MIEF1: variants seen among roughly 807,000 people sequenced by gnomAD.
MIEF1 encodes the protein mitochondrial dynamics protein MIEF1.
In MIEF1, 14 loss-of-function variants were observed where a neutral mutation model predicts 35.1. That is an observed-to-expected ratio of 0.40 (90% CI 0.26 to 0.62). MIEF1 has a LOEUF of 0.62. Among genes scored for constraint, MIEF1 ranks in the 20% least tolerant of loss-of-function variants. The probability of loss-of-function intolerance (pLI) is 0.43; values close to 1 mark genes in which losing one functional copy is unlikely to be tolerated. For missense variants in MIEF1, 542 were observed against 615.4 expected, an observed-to-expected ratio of 0.88 and a Z score of 1.26; for synonymous variants, 245 against 254.3, an observed-to-expected ratio of 0.96 and a Z score of 0.35.
intron 2 of MIEF1, 170 bp downstream of exon 2, chr22:39,504,704 C>T: frequency 3.6e-6 from 1 of 279,632 alleles, no homozygotes; most frequent in Non-Finnish European, 6.6e-6. Context: ...TGGCTTCAGC[C>T]CAGGAGGTTG....
intron 1 of MIEF1, chr22:39,503,047 T>C (rs1333366187): frequency 6.6e-6 from 1 of 152,166 alleles, no homozygotes; most frequent in Non-Finnish European, 1.5e-5. Context: ...CATAGGGACG[T>C]TGTGAAATTC....
Position 39,515,233 on chromosome 22 carries a change from A to G in MIEF1, c.*910A>G. 3 of 714,810 alleles carry G rather than the reference A, an allele frequency of 4.2e-6. No individual in the cohort carries two copies. The highest frequency in any genetic ancestry group is 7.8e-6 in the Non-Finnish European group (3 of 384,162). 44.3% of individuals were successfully genotyped at this position (714,810 alleles called of 1,614,324 possible). On this transcript the variant is annotated 3_prime_UTR_variant, in exon 6 of 6. Transcript: ENST00000325301. The stretch of plus-strand genomic sequence containing the variant: ...TCCTTATTTTATTGCCAATCAGGAC[A>G]AGGCCTTGAAGGAACGCAGCCTTAG...
Position 39,517,459 on chromosome 22 carries a change from G to A in MIEF1, c.*3136G>A. 1 of 454,268 alleles carries A rather than the reference G, an allele frequency of 2.2e-6. No homozygotes were observed. Among genetic ancestry groups the A allele is most frequent in the Middle Eastern group, 4.1e-4 (1 of 2,438 alleles). The allele number at this position is 454,268 out of a possible 1,614,324, so 28.1% of individuals were successfully genotyped here. ...CACCTGTCCATATTCCACATTTGCT[G>A]ACTGTGCTCCCTGCACTCCACTCAA... On this transcript the variant is annotated 3_prime_UTR_variant, in exon 6 of 6. Coordinates refer to ENST00000325301, the MANE Select transcript of MIEF1 (RefSeq NM_019008.6).
intron 2 of MIEF1, among the ~76,000 whole-genome samples, chr22:39,506,138 T>A (rs913856003): frequency 3.3e-5 from 5 of 151,938 alleles, no homozygotes; most frequent in Admixed American, 2.0e-4. Flanking sequence ...TGGCTGTGAG[T>A]TGGGCTACAC....
At chr22:39,513,052 C>G (rs1173949209) in intron 5 of MIEF1, among the ~76,000 whole-genome samples, 1 of 152,100 alleles carries the variant, frequency 6.6e-6, no homozygotes, top group African/African-American at 2.4e-5. Context: ...GCCCATCTCT[C>G]CTTTCTAGTT....
intron 1 of MIEF1, 103 bp from the exon 2 acceptor site, chr22:39,504,100 G>A: frequency 2.5e-6 from 1 of 397,014 alleles, no homozygotes; most frequent in Non-Finnish European, 4.4e-6. Context: ...CCTGGAGCGG[G>A]GGGTCTCTGG....
chr22:39,500,406 C>A (rs1929649595), upstream of MIEF1: 1 of 151,672 alleles, frequency 6.6e-6, no homozygotes, highest in African/African-American at 2.4e-5. Context: ...GAAGGGGAGA[C>A]CCCTCCAAAT....
rs1318730060 is a variant in MIEF1 at position 39,513,897 on chromosome 22, C to T, written c.966C>T (p.Val322=). ...CATCAGTGACCCTCGGTGACACAGT[C>T]TTGGTGGCCAAACCACACCGGCTAG... ...FLPSVTLGDT[V]LVAKPHRLAQ... The change falls in exon 6 of 6, where the codon GTC becomes GTT. Residue 322 remains valine, a synonymous_variant. Coordinates refer to ENST00000325301, the MANE Select transcript of MIEF1 (RefSeq NM_019008.6). 1.2e-6 allele frequency: 2 copies of T among 1,614,144 alleles called. No homozygotes were observed. The highest frequency in any genetic ancestry group is 1.3e-5 in the African/African-American group (1 of 75,064).
Position 39,515,547 on chromosome 22 carries a change from G to A in MIEF1, c.*1224G>A, listed in dbSNP as rs1930618514. 8.6e-6 allele frequency: 5 copies of A among 582,504 alleles called. No individual in the cohort carries two copies. Among genetic ancestry groups the A allele is most frequent in the East Asian group, 5.7e-5 (2 of 35,096 alleles). The allele number at this position is 582,504 out of a possible 1,614,324, so 36.1% of individuals were successfully genotyped here. A position where few individuals can be genotyped will look rare whatever the true frequency, so the allele number is the denominator to read the frequency against. Reference sequence around the variant, plus strand: ...TTCTCACCCAGCACCTGGGGAGATCGGTGCTACCAAGGAAGAGAGCACACA... The same window carrying A: ...TTCTCACCCAGCACCTGGGGAGATCAGTGCTACCAAGGAAGAGAGCACACA... On this transcript the variant is annotated 3_prime_UTR_variant, in exon 6 of 6. Transcript: ENST00000325301.
At position 39,512,458 on chromosome 22, in the gene MIEF1, C is replaced by T; in HGVS notation, c.549C>T (p.Asp183=). The part of the protein sequence containing the change: ...RAKLPDMPLR[D]MYLSGSLYDD... ...AGTTGCCTGACATGCCGCTTCGGGA[C>T]ATGTACTTGAGTGGCAGCCTCTACG... The change falls in exon 5 of 6, where the codon GAC becomes GAT. Residue 183 remains aspartate, a synonymous_variant. Transcript: ENST00000325301. 1 of 1,613,888 alleles carries T rather than the reference C, an allele frequency of 6.2e-7. No homozygotes were observed.
chr22:39,509,913 G>A (rs1034539552), intron 2 of MIEF1, among the ~76,000 whole-genome samples: 34 of 152,146 alleles, frequency 2.2e-4, no homozygotes, highest in African/African-American at 7.5e-4. Flanking sequence ...TAGAAAAAGC[G>A]TCATACAAGG....
chr22:39,507,304 G>C (rs1201754736), intron 2 of MIEF1, among the ~76,000 whole-genome samples: 1 of 151,822 alleles, frequency 6.6e-6, no homozygotes, highest in East Asian at 2.0e-4. Context: ...GAGTGCAGTG[G>C]GTGCAATCTT....
chr22:39,504,628 G>C (rs115760907), intron 2 of MIEF1, 94 bp downstream of exon 2: 245 of 373,986 alleles, frequency 6.6e-4, no homozygotes, highest in African/African-American at 4.9e-3. Flanking sequence ...TTAGAAATCA[G>C]TGCAGAGCCA....
upstream of MIEF1, among the ~76,000 whole-genome samples, chr22:39,501,267 G>C (rs965480518): frequency 6.6e-6 from 1 of 152,154 alleles, no homozygotes; most frequent in Admixed American, 6.6e-5. Flanking sequence ...GGCTTACCTG[G>C]GGGGAGGCCT....
chr22:39,506,504 T>G (rs1354132335), intron 2 of MIEF1, among the ~76,000 whole-genome samples: 1 of 152,168 alleles, frequency 6.6e-6, no homozygotes, highest in East Asian at 1.9e-4. Flanking sequence ...TCTCATGGGA[T>G]TGTTGTTGTG....
In MIEF1 at chr22:39,511,423, G is replaced by A. The variant is rs564642942; in HGVS notation, c.129G>A (p.Thr43=). 1.6e-5 allele frequency: 26 copies of A among 1,584,076 alleles called. No individual in the cohort carries two copies. Among genetic ancestry groups the A allele is most frequent in the Admixed American group, 1.5e-4 (8 of 54,416 alleles). The change falls in exon 3 of 6, where the codon ACG becomes ACA. Residue 43 remains threonine (T), a synonymous_variant. Coordinates refer to ENST00000325301, the MANE Select transcript of MIEF1 (RefSeq NM_019008.6). ...VGGAAMLGIA[T]LAVKRMYDRA... ...GAGCGGCCATGCTGGGCATCGCCAC[G>A]CTGGCAGTTAAGCGGGTAAGTGCAT...
rs764222034 is a variant in MIEF1, at chr22:39,513,836, ATGAGCG to A, written c.909_914del (p.Glu303_Arg304del). 2 of 1,614,096 alleles carry A rather than the reference ATGAGCG, an allele frequency of 1.2e-6. No homozygotes were observed. Among genetic ancestry groups the A allele is most frequent in the Non-Finnish European group, 1.7e-6 (2 of 1,180,040 alleles). On this transcript the variant is annotated inframe_deletion, in exon 6 of 6. Coordinates refer to ENST00000325301, the MANE Select transcript of MIEF1 (RefSeq NM_019008.6). ...GAAGCCCTCACACTGGAGGTGCAGT[ATGAGCG>A]TGACAAACATCTCTTCATTGACTTC... is the stretch of plus-strand genomic sequence containing the variant.
chr22:39,513,613 C>T lies in MIEF1; in HGVS notation c.682C>T (p.Pro228Ser). 2 of 1,614,170 alleles carry T rather than the reference C, an allele frequency of 1.2e-6. No individual in the cohort carries two copies. Among genetic ancestry groups the T allele is most frequent in the East Asian group, 2.2e-5 (1 of 44,876 alleles). ...TGGTGAAGACACCATCATGAATGTC[C>T]CTGGCTTCTTCCTGGTGCGTCGTGA... The part of the protein sequence containing the change: ...IPGEDTIMNV[P>S]GFFLVRRENP... Residue 228 changes from proline (P) to serine (S), a missense_variant, in exon 6 of 6, where the codon CCT (proline) becomes TCT (serine). Physicochemically the swap from Pro to Ser is moderately conservative, Grantham distance 74. Coordinates refer to ENST00000325301, the MANE Select transcript of MIEF1 (RefSeq NM_019008.6).
intron 2 of MIEF1, among the ~76,000 whole-genome samples, chr22:39,507,014 G>A (rs1601744508): frequency 6.6e-6 from 1 of 152,338 alleles, no homozygotes; most frequent in African/African-American, 2.4e-5. Flanking sequence ...GTCCCGATTG[G>A]AGGTGGAGTT....
Sources: allele counts gnomAD v4.1 joint callset (sites outside exome capture counted in the v4.1 genomes callset), GRCh38; gene constraint gnomAD v4.1.1; transcripts MANE v1.5; gene names NCBI Gene and HGNC (gene_info 2026-07-23, HGNC 2026-07-21).